The following TXNDC5 variants were observed in gnomAD, a reference collection of about 807,000 sequenced individuals.
The protein encoded by TXNDC5 is thioredoxin domain-containing protein 5.
Under a neutral mutation model 52.6 loss-of-function variants are expected in TXNDC5, and 44 were observed. The observed-to-expected ratio is 0.84, with a 90% CI of 0.66 to 1.08. The LOEUF (loss-of-function observed/expected upper bound fraction) is 1.08. TXNDC5 is among the 50% of genes least tolerant of loss of function. The probability of loss-of-function intolerance (pLI) is 0.00; values close to 1 mark genes in which losing one functional copy is unlikely to be tolerated. For missense variants in TXNDC5, 600 were observed against 565.5 expected, an observed-to-expected ratio of 1.06 and a Z score of -0.62; for synonymous variants, 241 against 234.4, an observed-to-expected ratio of 1.03 and a Z score of -0.26.
chr6:7,886,898 A>G (rs9505301), intron 7 of TXNDC5, among the ~76,000 whole-genome samples: 26,729 of 152,096 alleles, frequency 0.18, 3,056 homozygotes, highest in African/African-American at 0.33. Context: ...TTATGTCCAG[A>G]AACATGACGC....
At chr6:7,903,487 A>G (rs570323762) in intron 2 of TXNDC5, among the ~76,000 whole-genome samples, 6 of 152,050 alleles carry the variant, frequency 3.9e-5, no homozygotes, top group African/African-American at 1.4e-4. Flanking sequence ...TCCTGTAACA[A>G]TGTTTGGGGG....
chr6:7,886,892 G>A (rs1166442022), intron 7 of TXNDC5, among the ~76,000 whole-genome samples: 1 of 152,126 alleles, frequency 6.6e-6, no homozygotes, highest in East Asian at 1.9e-4. Context: ...CCATCTTTAT[G>A]TCCAGAAACA....
At chr6:7,886,710 C>T (rs1759995630) in intron 7 of TXNDC5, among the ~76,000 whole-genome samples, 1 of 152,178 alleles carries the variant, frequency 6.6e-6, no homozygotes, top group Admixed American at 6.5e-5. Flanking sequence ...CTTGACAGTT[C>T]TTTACAGAAT....
intron 4 of TXNDC5, chr6:7,894,841 G>C: frequency 1.0e-6 from 1 of 985,408 alleles, no homozygotes; most frequent in African/African-American, 1.7e-5. Context: ...AACACTCTTA[G>C]CCAAGGATGC....
chr6:7,894,123 TTTGG>T (rs997587373), intron 4 of TXNDC5, among the ~76,000 whole-genome samples: 1 of 152,190 alleles, frequency 6.6e-6, no homozygotes, highest in South Asian at 2.1e-4. Flanking sequence ...CTGGGTTTTG[TTTGG>T]TTGTTTTCTG....
Position 7,899,531 on chromosome 6 carries a change from G to C in TXNDC5, c.519+45C>G, listed in dbSNP as rs369264545. On this transcript the variant is annotated intron_variant, in intron 3 of 9. Transcript: ENST00000379757. ...ATTACCCCAAAGATGTAGGCAGGGA[G>C]AGAGGGAGGGAGGGAGGGAGGGAGG... 39 of 1,409,854 alleles carry C rather than the reference G, an allele frequency of 2.8e-5. 1 individual carries two copies. The African/African-American group carries it at 5.8e-4, about 21-fold the overall frequency. The allele number at this position is 1,409,854 out of a possible 1,614,324, so 87.3% of individuals were successfully genotyped here. A position where few individuals can be genotyped will look rare whatever the true frequency, so the allele number is the denominator to read the frequency against.
intron 7 of TXNDC5, among the ~76,000 whole-genome samples, chr6:7,887,622 C>A (rs1026757727): frequency 1.3e-5 from 2 of 152,214 alleles, no homozygotes; most frequent in Non-Finnish European, 2.9e-5. Context: ...CAGCTTCCCA[C>A]CTCCAGCACA....
chr6:7,882,771 T>C lies in TXNDC5; in HGVS notation c.*373A>G, dbSNP rs1759810005. On this transcript the variant is annotated 3_prime_UTR_variant, in exon 10 of 10. Transcript: ENST00000379757. ...GTGGGCAGGTAAACTATGCTTTGGA[T>C]GTGCTTTCTTTCACCAAAATCACTC... 5.1e-6 allele frequency: 1 copy of C among 197,188 alleles called. No individual in the cohort carries two copies. Among genetic ancestry groups the C allele is most frequent in the African/African-American group, 2.3e-5 (1 of 42,872 alleles). 12.2% of individuals were successfully genotyped at this position (197,188 alleles called of 1,614,324 possible). A position where few individuals can be genotyped will look rare whatever the true frequency, so the allele number is the denominator to read the frequency against.
At chr6:7,897,127 T>C (rs1275329988) in intron 3 of TXNDC5, among the ~76,000 whole-genome samples, 2 of 152,202 alleles carry the variant, frequency 1.3e-5, no homozygotes, top group Admixed American at 1.3e-4. Flanking sequence ...AGTTGAATTA[T>C]GGCAAATCCA....
In TXNDC5 at chr6:7,910,567, C is replaced by A. The variant is rs1399763061; in HGVS notation, c.210G>T (p.Met70Ile). 6 of 1,454,672 alleles carry A rather than the reference C, an allele frequency of 4.1e-6. No individual in the cohort carries two copies. In the Admixed American group the frequency reaches 1.4e-4, roughly 33 times the overall value. 90.1% of individuals were successfully genotyped at this position (1,454,672 alleles called of 1,614,324 possible). A position where few individuals can be genotyped will look rare whatever the true frequency, so the allele number is the denominator to read the frequency against. ...CGGCGCTCTGGATCCCGTGCGTGAA[C>A]ATGTCGGCCGTGTACAGGTGCTTGC... The part of the protein sequence containing the change: ...PHSKHLYTAD[M>I]FTHGIQSAAH... Residue 70 changes from methionine (M) to isoleucine (I), a missense_variant, in exon 1 of 10, where the codon ATG becomes ATT. Physicochemically the swap from Met to Ile is conservative, Grantham distance 10 (BLOSUM62 1). Coordinates refer to ENST00000379757, the MANE Select transcript of TXNDC5 (RefSeq NM_030810.5).
intron 3 of TXNDC5, 29 bp from the exon 4 acceptor site, chr6:7,895,231 G>T: frequency 6.3e-7 from 1 of 1,589,444 alleles, no homozygotes; most frequent in Non-Finnish European, 8.6e-7. Context: ...ACAGTCATGG[G>T]TGTGTCAGTG....
chr6:7,901,340 G>T (rs769924429), intron 2 of TXNDC5, among the ~76,000 whole-genome samples: 1 of 152,198 alleles, frequency 6.6e-6, no homozygotes, highest in Non-Finnish European at 1.5e-5. Context: ...TCCCGCTAAC[G>T]CTCTTCAGGA....
chr6:7,894,748 A>C, intron 4 of TXNDC5: 1 of 985,490 alleles, frequency 1.0e-6, no homozygotes, highest in Non-Finnish European at 1.2e-6. Flanking sequence ...CTGGGCTGCC[A>C]AAATCCTCAA....
chr6:7,907,164 C>T (rs1274548241), intron 1 of TXNDC5, among the ~76,000 whole-genome samples: 3 of 138,698 alleles, frequency 2.2e-5, no homozygotes, highest in Admixed American at 2.1e-4. Flanking sequence ...TTTTTTTTTC[C>T]CTTTTTTTTT....
chr6:7,909,880 C>G (rs1001077576), intron 1 of TXNDC5: 1 of 985,914 alleles, frequency 1.0e-6, no homozygotes. Flanking sequence ...TCCCAGCCGA[C>G]CCCGGTGGCC....
intron 7 of TXNDC5, among the ~76,000 whole-genome samples, chr6:7,887,433 G>A (rs560855528): frequency 1.0e-4 from 15 of 150,268 alleles, no homozygotes; most frequent in South Asian, 4.3e-4. Flanking sequence ...CTCTGGCCCC[G>A]CCCCTGTGCT....
chr6:7,888,910 C>G, intron 6 of TXNDC5, 62 bp from the exon 7 acceptor site: 1 of 1,524,542 alleles, frequency 6.6e-7, no homozygotes, highest in Non-Finnish European at 8.8e-7. Context: ...TCACTTAAGC[C>G]TTCCTGCAAC....
At chr6:7,897,016 A>T (rs1760391573) in intron 3 of TXNDC5, among the ~76,000 whole-genome samples, 1 of 152,104 alleles carries the variant, frequency 6.6e-6, no homozygotes. Flanking sequence ...ACTCAAAAGA[A>T]GGGGGGGTGG....
Position 7,904,811 on chromosome 6 carries a change from G to A in TXNDC5, c.264-88C>T, listed in dbSNP as rs530931700. ...TTCAGCTCTGTCCAGGGGACAATGGGGCTCTCAGTCCTTTCTTTACACCAT... is the reference window on the plus strand; with the variant it reads ...TTCAGCTCTGTCCAGGGGACAATGGAGCTCTCAGTCCTTTCTTTACACCAT... On this transcript the variant is annotated intron_variant, in intron 1 of 9. Transcript: ENST00000379757. The A allele has an allele frequency of 4.0e-6, 6 of 1,516,354 alleles. No individual in the cohort carries two copies. In the African/African-American group the frequency reaches 6.8e-5, roughly 17 times the overall value. The allele number at this position is 1,516,354 out of a possible 1,614,324, so 93.9% of individuals were successfully genotyped here. A position where few individuals can be genotyped will look rare whatever the true frequency, so the allele number is the denominator to read the frequency against.
Sources: allele counts gnomAD v4.1 joint callset (sites outside exome capture counted in the v4.1 genomes callset), GRCh38; gene constraint gnomAD v4.1.1; transcripts MANE v1.5; gene names NCBI Gene and HGNC (gene_info 2026-07-23, HGNC 2026-07-21).